Variants in SAMSN1 observed in about 807,000 individuals in gnomAD.
The protein encoded by SAMSN1 is SAM domain, SH3 domain and nuclear localization signals 1, also known as SAM domain-containing protein SAMSN-1.
A neutral mutation model predicts 42.0 loss-of-function variants in SAMSN1; 31 were observed. That is an observed-to-expected ratio of 0.74 (90% CI 0.55 to 1.00). The LOEUF (loss-of-function observed/expected upper bound fraction) is 1.00, where lower values mean the gene tolerates loss of function less well. Ranked by LOEUF, SAMSN1 falls within the 50% of genes least tolerant of loss-of-function variation. The probability of loss-of-function intolerance (pLI) is 0.00; values close to 1 mark genes in which losing one functional copy is unlikely to be tolerated. For missense variants in SAMSN1, 464 were observed against 439.4 expected (o/e 1.06, Z -0.50); for synonymous variants, 178 against 151.9 (o/e 1.17, Z -1.26).
At chr21:14,497,506 C>A (rs146943165) in intron 7 of SAMSN1, among the ~76,000 whole-genome samples, 1,793 of 152,190 alleles carry the variant, frequency 0.012, 32 homozygotes, top group African/African-American at 0.041. Flanking sequence ...GCATGAGAAT[C>A]GCTTCAACCT....
At chr21:14,570,009 C>T (rs944679252) in intron 2 of SAMSN1, among the ~76,000 whole-genome samples, 1 of 150,668 alleles carries the variant, frequency 6.6e-6, no homozygotes, top group South Asian at 2.1e-4. Flanking sequence ...TTTCACTTGA[C>T]ACCTTGTCAT....
intron 6 of SAMSN1, among the ~76,000 whole-genome samples, chr21:14,596,577 C>T (rs2123286886): frequency 6.6e-6 from 1 of 152,250 alleles, no homozygotes; most frequent in Non-Finnish European, 1.5e-5. Flanking sequence ...GAAATTAGAT[C>T]TTAAAAGGAA....
upstream of SAMSN1, among the ~76,000 whole-genome samples, chr21:14,548,641 T>G (rs1410324020): frequency 1.3e-5 from 2 of 151,762 alleles, no homozygotes. Flanking sequence ...TCAAGAAAAA[T>G]GTTTTCTGGG....
At chr21:14,535,026 G>A (rs988037595) in intron 1 of SAMSN1, among the ~76,000 whole-genome samples, 1 of 152,152 alleles carries the variant, frequency 6.6e-6, no homozygotes, top group Non-Finnish European at 1.5e-5. Flanking sequence ...AAAGCACAGA[G>A]CATTTTAGGC....
intron 7 of SAMSN1, among the ~76,000 whole-genome samples, chr21:14,492,482 G>C (rs748664788): frequency 1.3e-5 from 2 of 152,078 alleles, no homozygotes; most frequent in Non-Finnish European, 2.9e-5. Context: ...ACAGGACTAG[G>C]GGCTTTGGGA....
chr21:14,580,509 A>G (rs1489951912), intron 2 of SAMSN1, among the ~76,000 whole-genome samples: 1 of 152,096 alleles, frequency 6.6e-6, no homozygotes, highest in Admixed American at 6.6e-5. Context: ...ATTACCAGCT[A>G]CTCTCCAAGA....
chr21:14,636,894 G>C (rs1983482428), intron 2 of SAMSN1, among the ~76,000 whole-genome samples: 1 of 152,090 alleles, frequency 6.6e-6, no homozygotes, highest in South Asian at 2.1e-4. Flanking sequence ...GTGTATAACT[G>C]TTTATTATCA....
chr21:14,581,393 C>T (rs1358139592), intron 2 of SAMSN1, among the ~76,000 whole-genome samples: 1 of 92,970 alleles, frequency 1.1e-5, no homozygotes, highest in Non-Finnish European at 2.0e-5. Flanking sequence ...GAGTCTTGCT[C>T]AGTCGCCCAG....
intron 5 of SAMSN1, among the ~76,000 whole-genome samples, chr21:14,509,486 G>C (rs187853504): frequency 6.6e-6 from 1 of 152,182 alleles, no homozygotes; most frequent in African/African-American, 2.4e-5. Context: ...ACAAATAACC[G>C]CTAAAGAACT....
At chr21:14,555,751 C>T (rs1266314403) in intron 2 of SAMSN1, among the ~76,000 whole-genome samples, 1 of 152,158 alleles carries the variant, frequency 6.6e-6, no homozygotes, top group Non-Finnish European at 1.5e-5. Flanking sequence ...TAAAAATCTT[C>T]AAAATAACTT....
At chr21:14,570,872 C>T (rs1981276720) in intron 2 of SAMSN1, among the ~76,000 whole-genome samples, 1 of 152,134 alleles carries the variant, frequency 6.6e-6, no homozygotes, top group African/African-American at 2.4e-5. Context: ...TGCTTAGCTT[C>T]CTCATTGCTT....
At chr21:14,609,371 A>G (rs762548263) in intron 5 of SAMSN1, 23 of 655,130 alleles carry the variant, frequency 3.5e-5, no homozygotes, top group Non-Finnish European at 5.6e-5. Context: ...CTTTTTAAGT[A>G]GACCATAATG....
At chr21:14,566,531 TA>T (rs1981124110) in intron 2 of SAMSN1, among the ~76,000 whole-genome samples, 2 of 151,766 alleles carry the variant, frequency 1.3e-5, no homozygotes, top group South Asian at 4.2e-4. Flanking sequence ...AAACCTTCCA[TA>T]TATATATATA....
At chr21:14,600,916 G>A (rs961127553) in intron 6 of SAMSN1, among the ~76,000 whole-genome samples, 6 of 152,116 alleles carry the variant, frequency 3.9e-5, no homozygotes, top group African/African-American at 1.2e-4. Flanking sequence ...AAAAGAGGAG[G>A]AGCAATGACA....
chr21:14,612,771 G>A, intron 4 of SAMSN1: 1 of 662,530 alleles, frequency 1.5e-6, no homozygotes, highest in Non-Finnish European at 2.8e-6. Flanking sequence ...AACTCAATTT[G>A]ACTTTCATTA....
intron 1 of SAMSN1, among the ~76,000 whole-genome samples, chr21:14,531,760 G>A (rs1051468117): frequency 1.2e-4 from 19 of 152,042 alleles, no homozygotes; most frequent in Non-Finnish European, 1.6e-4. Flanking sequence ...GTTAAATAAA[G>A]ATGTAAAAAT....
upstream of SAMSN1, among the ~76,000 whole-genome samples, chr21:14,550,966 T>C (rs1470309161): frequency 6.6e-6 from 1 of 152,130 alleles, no homozygotes. Context: ...AATGATGATT[T>C]GGCTCCTTGG....
intron 2 of SAMSN1, among the ~76,000 whole-genome samples, chr21:14,580,987 T>G (rs944817283): frequency 5.9e-5 from 9 of 152,178 alleles, no homozygotes; most frequent in African/African-American, 9.7e-5. Context: ...CTAGAAGATT[T>G]ATAATATTTG....
At chr21:14,619,465 C>G (rs1292586) in intron 2 of SAMSN1, among the ~76,000 whole-genome samples, 119,956 of 152,176 alleles carry the variant, frequency 0.79, 47,355 homozygotes, top group Admixed American at 0.83. Flanking sequence ...GACTCATTTA[C>G]GATCAAGCAT....
Sources: gnomAD v4.1 joint callset for allele counts (sites outside exome capture counted in the v4.1 genomes callset) on GRCh38, gnomAD v4.1.1 for gene constraint, MANE v1.5 for transcripts, NCBI Gene and HGNC (gene_info 2026-07-23, HGNC 2026-07-21) for gene names.